Variants in PTPRM observed in about 807,000 individuals in gnomAD.
PTPRM encodes receptor-type tyrosine-protein phosphatase mu.
A neutral mutation model predicts 186.7 loss-of-function variants in PTPRM; 47 were observed. The ratio of observed to expected loss-of-function variants is 0.25; its 90% CI spans 0.20 to 0.32. The LOEUF (loss-of-function observed/expected upper bound fraction) is 0.32. Among genes scored for constraint, PTPRM ranks in the 10% least tolerant of loss-of-function variants. PTPRM has a pLI of 1.00. For missense variants in PTPRM, 1,494 were observed against 1,865.0 expected, an observed-to-expected ratio of 0.80 and a Z score of 3.66; for synonymous variants, 668 against 674.9, an observed-to-expected ratio of 0.99 and a Z score of 0.16.
chr18:8,364,864 G>C (rs1296747430), intron 23 of PTPRM: 2 of 152,096 alleles, frequency 1.3e-5, no homozygotes, highest in Non-Finnish European at 2.9e-5. Flanking sequence ...TTCATCATGG[G>C]TTTCTTAGCA....
At chr18:8,164,425 A>T (rs1333329253) in intron 14 of PTPRM, among the ~76,000 whole-genome samples, 1 of 152,262 alleles carries the variant, frequency 6.6e-6, no homozygotes, top group Non-Finnish European at 1.5e-5. Context: ...TATTCATGAT[A>T]GCTGAAAGTT....
intron 2 of PTPRM, among the ~76,000 whole-genome samples, chr18:7,847,953 C>T (rs1036044796): frequency 6.6e-6 from 1 of 152,204 alleles, no homozygotes. Flanking sequence ...AGAATGAGTA[C>T]TACTGTGTAG....
intron 7 of PTPRM, among the ~76,000 whole-genome samples, chr18:7,960,019 A>ATTGAATAG (rs1017427459): frequency 2.0e-5 from 3 of 152,188 alleles, no homozygotes; most frequent in African/African-American, 7.2e-5. Flanking sequence ...ATCATAAGCC[A>ATTGAATAG]TTGAATAGTA....
chr18:8,381,371 A>G (rs1407351046), intron 29 of PTPRM, among the ~76,000 whole-genome samples: 38 of 152,092 alleles, frequency 2.5e-4, no homozygotes, highest in Admixed American at 2.4e-3. Flanking sequence ...AAAAAAAAAA[A>G]AAAAAAAAGT....
chr18:8,098,045 C>T (rs1427241902), intron 11 of PTPRM, among the ~76,000 whole-genome samples: 1 of 152,176 alleles, frequency 6.6e-6, no homozygotes, highest in African/African-American at 2.4e-5. Context: ...AGTAGAGTCA[C>T]ATACCATATA....
intron 5 of PTPRM, among the ~76,000 whole-genome samples, chr18:7,941,122 C>G (rs898939197): frequency 1.3e-5 from 2 of 152,170 alleles, no homozygotes; most frequent in Non-Finnish European, 2.9e-5. Context: ...TGGTTGTCCT[C>G]TCCCCCTCAT....
At chr18:7,855,762 C>T (rs2047065506) in intron 2 of PTPRM, among the ~76,000 whole-genome samples, 1 of 152,174 alleles carries the variant, frequency 6.6e-6, no homozygotes, top group Non-Finnish European at 1.5e-5. Flanking sequence ...TCTGAGAAGA[C>T]ACTGTTTCCT....
intron 14 of PTPRM, among the ~76,000 whole-genome samples, chr18:8,242,854 T>C (rs1226790134): frequency 1.3e-5 from 2 of 152,254 alleles, no homozygotes; most frequent in East Asian, 1.9e-4. Flanking sequence ...ATTTTGATTA[T>C]GTGGTTCATT....
chr18:7,636,784 T>G (rs995240401), intron 1 of PTPRM, among the ~76,000 whole-genome samples: 1 of 152,166 alleles, frequency 6.6e-6, no homozygotes, highest in Non-Finnish European at 1.5e-5. Context: ...GGGACTGGGT[T>G]GGAGGTTTAG....
chr18:7,721,409 ATTCTATGGGTTGCCT>A (rs2040445306), intron 1 of PTPRM, among the ~76,000 whole-genome samples: 1 of 151,988 alleles, frequency 6.6e-6, no homozygotes, highest in Non-Finnish European at 1.5e-5. Context: ...ATTTTCTCTC[ATTCTATGGGTTGCCT>A]TTTCACTTTG....
At chr18:8,094,266 G>C (rs1197045247) in intron 11 of PTPRM, among the ~76,000 whole-genome samples, 2 of 152,096 alleles carry the variant, frequency 1.3e-5, no homozygotes, top group East Asian at 3.9e-4. Flanking sequence ...CTAACACTTC[G>C]GGAGGCCAAG....
At chr18:7,839,440 G>A (rs1442930489) in intron 2 of PTPRM, among the ~76,000 whole-genome samples, 1 of 152,120 alleles carries the variant, frequency 6.6e-6, no homozygotes, top group Non-Finnish European at 1.5e-5. Context: ...TCACTTCAAG[G>A]CAGTAGGTTC....
intron 5 of PTPRM, among the ~76,000 whole-genome samples, chr18:7,931,675 C>CA (rs1417757418): frequency 2.0e-5 from 3 of 151,436 alleles, no homozygotes; most frequent in Non-Finnish European, 4.4e-5. Flanking sequence ...CACTCCGTCT[C>CA]AAAAAAAATA....
chr18:7,642,730 C>T (rs890753210), intron 1 of PTPRM, among the ~76,000 whole-genome samples: 4 of 151,250 alleles, frequency 2.6e-5, no homozygotes, highest in East Asian at 3.9e-4. Flanking sequence ...GTCGCGCTAA[C>T]GTTTATTGTA....
chr18:8,133,490 G>C (rs973514774), intron 13 of PTPRM, among the ~76,000 whole-genome samples: 1 of 152,168 alleles, frequency 6.6e-6, no homozygotes, highest in Non-Finnish European at 1.5e-5. Flanking sequence ...GTTAAGTTCT[G>C]TGCAAGAGGG....
chr18:7,642,848 TAAAA>T (rs558868777), intron 1 of PTPRM, among the ~76,000 whole-genome samples: 1 of 127,178 alleles, frequency 7.9e-6, no homozygotes, highest in Non-Finnish European at 1.7e-5. Flanking sequence ...AGCCTTTACT[TAAAA>T]AAAAAAAAAA....
At chr18:7,820,324 T>C (rs981789051) in intron 2 of PTPRM, among the ~76,000 whole-genome samples, 5 of 152,032 alleles carry the variant, frequency 3.3e-5, no homozygotes, top group Admixed American at 3.3e-4. Context: ...GCTCAGAGGG[T>C]CAATTAAATA....
intron 4 of PTPRM, among the ~76,000 whole-genome samples, chr18:7,909,234 T>C (rs986035289): frequency 4.6e-5 from 7 of 152,222 alleles, no homozygotes; most frequent in African/African-American, 1.7e-4. Context: ...CTAAAACATG[T>C]CTCAAGCAAT....
At chr18:8,080,850 C>T (rs1003905004) in intron 9 of PTPRM, among the ~76,000 whole-genome samples, 3 of 152,148 alleles carry the variant, frequency 2.0e-5, no homozygotes, top group Admixed American at 1.3e-4. Context: ...GCCTTCTGAG[C>T]CATCACACAC....
Sources: allele counts gnomAD v4.1 joint callset (sites outside exome capture counted in the v4.1 genomes callset), GRCh38; gene constraint gnomAD v4.1.1; transcripts MANE v1.5; gene names NCBI Gene and HGNC (gene_info 2026-07-23, HGNC 2026-07-21).